Variants in PGBD5 observed in about 807,000 individuals in gnomAD.
PGBD5 encodes the protein piggyBac transposable element-derived protein 5.
In PGBD5, 14 loss-of-function variants were observed where a neutral mutation model predicts 47.9. The observed-to-expected ratio is 0.29, with a 90% CI of 0.19 to 0.46. PGBD5 has a LOEUF of 0.46. PGBD5 is among the 20% of genes least tolerant of loss of function. The pLI, the probability that PGBD5 is intolerant of heterozygous loss-of-function variation, is 1.00. For synonymous variants in PGBD5, 316 were observed against 306.3 expected (o/e 1.03, Z -0.33); for missense variants, 635 against 716.0 (o/e 0.89, Z 1.29).
At chr1:230,347,279 T>C (rs1046102831) in intron 3 of PGBD5, among the ~76,000 whole-genome samples, 2 of 149,400 alleles carry the variant, frequency 1.3e-5, no homozygotes, top group African/African-American at 4.9e-5. Context: ...GATGGGAGAG[T>C]GGGAGAGTGG....
chr1:230,371,479 C>G (rs1238037651), intron 1 of PGBD5, among the ~76,000 whole-genome samples: 1 of 152,178 alleles, frequency 6.6e-6, no homozygotes, highest in African/African-American at 2.4e-5. Context: ...ATTGAAGTCA[C>G]AAAGGTTACT....
intron 1 of PGBD5, among the ~76,000 whole-genome samples, chr1:230,401,398 C>T (rs1243611486): frequency 6.6e-6 from 1 of 152,180 alleles, no homozygotes; most frequent in Non-Finnish European, 1.5e-5. Flanking sequence ...TGGCTCTTCT[C>T]ATGGGGAACT....
chr1:230,394,208 C>T (rs903248492), intron 1 of PGBD5, among the ~76,000 whole-genome samples: 1 of 151,934 alleles, frequency 6.6e-6, no homozygotes, highest in Non-Finnish European at 1.5e-5. Flanking sequence ...GGCCTGAGGA[C>T]CAGGGCAAAG....
chr1:230,351,208 G>A, intron 2 of PGBD5, 116 bp from the exon 3 acceptor site: 2 of 1,179,462 alleles, frequency 1.7e-6, no homozygotes. Context: ...CCTTAACTAA[G>A]TTACTTTACC....
intron 5 of PGBD5, among the ~76,000 whole-genome samples, chr1:230,329,814 G>A (rs1411712640): frequency 1.3e-5 from 2 of 152,194 alleles, no homozygotes; most frequent in African/African-American, 4.8e-5. Context: ...GATGCCATGC[G>A]TCAAAATAAA....
intron 1 of PGBD5, among the ~76,000 whole-genome samples, chr1:230,387,145 G>A (rs1314646177): frequency 1.3e-5 from 2 of 152,136 alleles, no homozygotes; most frequent in Non-Finnish European, 2.9e-5. Context: ...TAGCAGATAG[G>A]AAATGGTATG....
Position 230,317,957 on chromosome 1 carries a change from G to A in PGBD5, c.*5468C>T, listed in dbSNP as rs1387525252. ...ACATGGGTATACACGGAAGGGTGAAGGTGCCCCACCCTCCCCGGAACACAG... is the reference window on the plus strand; with the variant it reads ...ACATGGGTATACACGGAAGGGTGAAAGTGCCCCACCCTCCCCGGAACACAG... On this transcript the variant is annotated 3_prime_UTR_variant, in exon 7 of 7. Transcript: ENST00000391860. The A allele has an allele frequency of 6.6e-6, 1 of 151,970 alleles. No individual in the cohort carries two copies. The highest frequency in any genetic ancestry group is 1.5e-5 in the Non-Finnish European group (1 of 67,958). The allele number at this position is 151,970 out of a possible 1,614,324, so 9.4% of individuals were successfully genotyped here.
intron 4 of PGBD5, among the ~76,000 whole-genome samples, chr1:230,335,720 TAC>T (rs1185186882): frequency 8.4e-3 from 2 of 238 alleles, no homozygotes; most frequent in African/African-American, 0.019. Flanking sequence ...CAGGTACACA[TAC>T]AGACACACAC....
intron 1 of PGBD5, among the ~76,000 whole-genome samples, chr1:230,424,638 G>A (rs1231594517): frequency 1.3e-5 from 2 of 152,202 alleles, no homozygotes; most frequent in African/African-American, 4.8e-5. Context: ...TGCCCACCGC[G>A]GCCACTCCCT....
Position 230,323,351 on chromosome 1 carries a change from T to C in PGBD5, c.*74A>G. On this transcript the variant is annotated 3_prime_UTR_variant, in exon 7 of 7. Transcript: ENST00000391860. This position sits in a 1 kb window ranked among gnomAD's most constrained non-coding sequence, Gnocchi z 4.1. ...ACACACCAGGCCGTGTCCGGGTCTC[T>C]GATGGGCAAGTTGGAACGGCAGGCT... The C allele has an allele frequency of 1.3e-6, 2 of 1,540,020 alleles. No individual in the cohort carries two copies. The highest frequency in any genetic ancestry group is 2.2e-5 in the East Asian group (1 of 44,446).
intron 1 of PGBD5, among the ~76,000 whole-genome samples, chr1:230,423,143 T>C (rs1187472737): frequency 1.3e-5 from 2 of 152,182 alleles, no homozygotes; most frequent in Non-Finnish European, 2.9e-5. Context: ...CATACACATA[T>C]ACCTGTTTTT....
At position 230,404,629 on chromosome 1, in the gene PGBD5, A is replaced by AAT. The variant is rs1231804089; in HGVS notation, c.331+20967_331+20968dup. On this transcript the variant is annotated intron_variant, in intron 1 of 6. Transcript: ENST00000391860. ...CTTGTCTCAAAAAAAAAAAAAAAAA[A>AAT]ATATATATATATATATATATGGCCT... Among the ~76,000 whole-genome samples the AAT allele has an allele frequency of 4.4e-3, 472 of 108,360 alleles. 6 individuals carry two copies. The highest frequency in any genetic ancestry group is 0.015 in the Middle Eastern group (3 of 200). 71.1% of individuals were successfully genotyped at this position (108,360 alleles called of 152,430 possible).
At chr1:230,404,005 C>A (rs1010113325) in intron 1 of PGBD5, among the ~76,000 whole-genome samples, 4 of 152,094 alleles carry the variant, frequency 2.6e-5, no homozygotes, top group Admixed American at 2.6e-4. Context: ...GATTTCCCAA[C>A]TAAACAACTC....
chr1:230,399,224 G>A (rs185700020), intron 1 of PGBD5, among the ~76,000 whole-genome samples: 2 of 152,280 alleles, frequency 1.3e-5, no homozygotes, highest in East Asian at 3.9e-4. Flanking sequence ...TGACCGGCAA[G>A]CTTAAGCTGA....
intron 3 of PGBD5, among the ~76,000 whole-genome samples, chr1:230,341,901 A>T: frequency 6.6e-6 from 1 of 152,252 alleles, no homozygotes; most frequent in South Asian, 2.1e-4. Flanking sequence ...ATTTTTAAAT[A>T]TATATATATT....
chr1:230,333,267 G>T (rs1667251881), intron 4 of PGBD5, among the ~76,000 whole-genome samples: 1 of 152,088 alleles, frequency 6.6e-6, no homozygotes, highest in African/African-American at 2.4e-5. Context: ...CCCTCCCTAA[G>T]AACATACAGT....
chr1:230,398,353 G>GGTCTCCATGTCTTCGCATGGGC, intron 1 of PGBD5, among the ~76,000 whole-genome samples: 1 of 152,152 alleles, frequency 6.6e-6, no homozygotes, highest in Middle Eastern at 3.4e-3. Context: ...TGCACAGGGC[G>GGTCTCCATGTCTTCGCATGGGC]GTCTCCATGT....
At chr1:230,386,070 C>T (rs1178841239) in intron 1 of PGBD5, among the ~76,000 whole-genome samples, 1 of 152,122 alleles carries the variant, frequency 6.6e-6, no homozygotes, top group East Asian at 1.9e-4. Flanking sequence ...CTCATACCTA[C>T]AGTCCCAGCA....
chr1:230,407,533 G>A (rs1013686448), intron 1 of PGBD5, among the ~76,000 whole-genome samples: 21 of 152,160 alleles, frequency 1.4e-4, no homozygotes, highest in Admixed American at 1.2e-3. Flanking sequence ...CTGGATTAAT[G>A]AGGAAATCAG....
Sources: gnomAD v4.1 joint callset for allele counts (sites outside exome capture counted in the v4.1 genomes callset) on GRCh38, gnomAD v4.1.1 for gene constraint, Gnocchi (gnomAD v3.1) non-coding constraint, MANE v1.5 for transcripts, NCBI Gene and HGNC (gene_info 2026-07-23, HGNC 2026-07-21) for gene names.